Variants in SMG6 observed in about 807,000 individuals in gnomAD.
SMG6 encodes the protein SMG6 nonsense mediated mRNA decay factor, also known as telomerase-binding protein EST1A.
Under a neutral mutation model 142.2 loss-of-function variants are expected in SMG6, and 66 were observed. The observed-to-expected ratio is 0.46, with a 90% CI of 0.38 to 0.57. The LOEUF is 0.57. SMG6 is among the 20% of genes least tolerant of loss of function. SMG6 has a pLI of 0.00. For missense variants in SMG6, 1,793 were observed against 1,832.0 expected (o/e 0.98, Z 0.39); for synonymous variants, 779 against 702.4 (o/e 1.11, Z -1.72).
intron 12 of SMG6, among the ~76,000 whole-genome samples, chr17:2,184,635 C>A (rs1440023597): frequency 9.5e-6 from 1 of 104,980 alleles, no homozygotes; most frequent in African/African-American, 4.0e-5. Flanking sequence ...CCAGCCCAGG[C>A]AACAAGAGCA....
intron 10 of SMG6, among the ~76,000 whole-genome samples, chr17:2,220,078 C>T (rs2073131272): frequency 2.0e-5 from 3 of 152,110 alleles, no homozygotes; most frequent in Non-Finnish European, 2.9e-5. Context: ...TGTACCACCA[C>T]ATCCAGCTAA....
At chr17:2,112,440 G>A (rs1275550109) in intron 13 of SMG6, among the ~76,000 whole-genome samples, 53 of 151,320 alleles carry the variant, frequency 3.5e-4, no homozygotes, top group African/African-American at 1.1e-3. Context: ...CCCGGGAGGC[G>A]GAGGTTGCAG....
At chr17:2,240,482 GA>G (rs10714389) in intron 9 of SMG6, among the ~76,000 whole-genome samples, 63,413 of 147,722 alleles carry the variant, frequency 0.43, 14,400 homozygotes, top group African/African-American at 0.61. Flanking sequence ...GTGGAAATGA[GA>G]AAAAAAAAAA....
intron 13 of SMG6, among the ~76,000 whole-genome samples, chr17:2,128,685 G>A (rs534525522): frequency 3.9e-5 from 6 of 152,042 alleles, no homozygotes; most frequent in East Asian, 1.9e-4. Context: ...TTAGCTGGGC[G>A]TGGTGGCGTG....
At chr17:2,122,640 T>A (rs549495391) in intron 13 of SMG6, 1 of 152,268 alleles carries the variant, frequency 6.6e-6, no homozygotes, top group Admixed American at 6.5e-5. Flanking sequence ...CGGGGGGCAA[T>A]GGCGAAGCTA....
intron 9 of SMG6, among the ~76,000 whole-genome samples, chr17:2,240,856 C>T (rs1401070798): frequency 6.6e-6 from 1 of 152,226 alleles, no homozygotes; most frequent in African/African-American, 2.4e-5. Context: ...CTCCCCATTA[C>T]AATCTCCTCA....
intron 12 of SMG6, among the ~76,000 whole-genome samples, chr17:2,179,614 A>T (rs1289163766): frequency 6.6e-6 from 1 of 152,018 alleles, no homozygotes; most frequent in African/African-American, 2.4e-5. Flanking sequence ...CTCCAATCCA[A>T]CAGTGTGATA....
chr17:2,299,019 T>C lies in SMG6; in HGVS notation c.1734A>G (p.Gln578=), dbSNP rs2075208084. Reference sequence around the variant, plus strand: ...CCCGGAGAAGCCTGTGCAGCTCCTGTTGCTGCAGGTTCCTCATGTGCTGCT... The same window carrying C: ...CCCGGAGAAGCCTGTGCAGCTCCTGCTGCTGCAGGTTCCTCATGTGCTGCT... ...EVEQHMRNLQ[Q]QELHRLLRVA... The change falls in exon 2 of 19, where the codon CAA becomes CAG. Residue 578 remains glutamine, a synonymous_variant. Transcript: ENST00000263073. This position sits in a 1 kb window ranked among gnomAD's most constrained non-coding sequence, Gnocchi z 4.3. 1 of 1,614,170 alleles carries C rather than the reference T, an allele frequency of 6.2e-7. No homozygotes were observed.
chr17:2,166,382 G>C (rs554420358), intron 13 of SMG6, among the ~76,000 whole-genome samples: 2 of 131,518 alleles, frequency 1.5e-5, no homozygotes, highest in South Asian at 4.9e-4. Flanking sequence ...AATGTAGCAC[G>C]CAAATAGAGA....
At chr17:2,271,539 C>A (rs1310640381) in intron 8 of SMG6, among the ~76,000 whole-genome samples, 1 of 151,774 alleles carries the variant, frequency 6.6e-6, no homozygotes, top group Non-Finnish European at 1.5e-5. Flanking sequence ...CACGGTGAAA[C>A]CCCGTCTCTC....
intron 13 of SMG6, among the ~76,000 whole-genome samples, chr17:2,136,355 T>C (rs1310062134): frequency 1.3e-5 from 2 of 152,168 alleles, no homozygotes; most frequent in African/African-American, 4.8e-5. Context: ...TTAATTTAAG[T>C]AGACAAATGT....
chr17:2,184,580 A>G (rs550077711), intron 12 of SMG6, among the ~76,000 whole-genome samples: 1 of 141,810 alleles, frequency 7.1e-6, no homozygotes, highest in South Asian at 2.3e-4. Context: ...CTGCTTGAAC[A>G]TGGGAGGCTG....
intron 10 of SMG6, among the ~76,000 whole-genome samples, chr17:2,204,507 C>T (rs2072621402): frequency 6.6e-6 from 1 of 152,158 alleles, no homozygotes; most frequent in African/African-American, 2.4e-5. Flanking sequence ...CACTGTGGTG[C>T]ATCTAGTTTT....
intron 13 of SMG6, among the ~76,000 whole-genome samples, chr17:2,098,547 C>T (rs1173711916): frequency 6.6e-6 from 1 of 152,140 alleles, no homozygotes; most frequent in Non-Finnish European, 1.5e-5. Flanking sequence ...TTTACTTCTC[C>T]CCATTGCAAC....
At chr17:2,199,141 A>G (rs2151717524) in intron 10 of SMG6, among the ~76,000 whole-genome samples, 1 of 152,260 alleles carries the variant, frequency 6.6e-6, no homozygotes, top group Middle Eastern at 3.4e-3. Context: ...GCAGAAACTG[A>G]GCGAGCAGTT....
chr17:2,127,505 G>T, intron 13 of SMG6: 1 of 681,744 alleles, frequency 1.5e-6, no homozygotes, highest in Non-Finnish European at 2.7e-6. Flanking sequence ...ATATTATCAA[G>T]CTTGTATGAC....
At chr17:2,174,707 C>T (rs1037448729) in intron 12 of SMG6, among the ~76,000 whole-genome samples, 2 of 152,134 alleles carry the variant, frequency 1.3e-5, no homozygotes, top group African/African-American at 2.4e-5. Context: ...GCGCAGACAC[C>T]GACAACCAGA....
At chr17:2,146,968 C>T (rs2070687511) in intron 13 of SMG6, among the ~76,000 whole-genome samples, 1 of 152,150 alleles carries the variant, frequency 6.6e-6, no homozygotes, top group Admixed American at 6.6e-5. Context: ...TTAGGGGTTT[C>T]CTTATTTTAT....
intron 13 of SMG6, among the ~76,000 whole-genome samples, chr17:2,164,142 C>T (rs2071261719): frequency 6.6e-6 from 1 of 151,846 alleles, no homozygotes; most frequent in South Asian, 2.1e-4. Flanking sequence ...CAGAGAGGGG[C>T]ACAGTGGCTC....
Sources: allele counts gnomAD v4.1 joint callset (sites outside exome capture counted in the v4.1 genomes callset), GRCh38; gene constraint gnomAD v4.1.1; non-coding constraint Gnocchi (gnomAD v3.1); transcripts MANE v1.5; gene names NCBI Gene and HGNC (gene_info 2026-07-23, HGNC 2026-07-21).